The following VWF variants were observed in gnomAD, a reference collection of about 807,000 sequenced individuals.
VWF encodes the protein von Willebrand factor.
VWF carries 176 observed loss-of-function variants against 308.6 expected under a neutral mutation model. The observed-to-expected ratio is 0.57, with a 90% CI of 0.50 to 0.65. The LOEUF (loss-of-function observed/expected upper bound fraction) is 0.65. Ranked by LOEUF, VWF falls within the 30% of genes least tolerant of loss-of-function variation. The pLI is 0.00. For synonymous variants in VWF, 1,385 were observed against 1,443.4 expected (o/e 0.96, Z 0.92); for missense variants, 3,146 against 3,648.2 (o/e 0.86, Z 3.55).
intron 5 of VWF, among the ~76,000 whole-genome samples, chr12:6,109,886 A>G (rs1404802226): frequency 6.6e-6 from 1 of 152,156 alleles, no homozygotes; most frequent in African/African-American, 2.4e-5. Context: ...TCCTGACCTC[A>G]TGATCCGCCT....
intron 47 of VWF, among the ~76,000 whole-genome samples, chr12:5,964,194 G>A (rs1943354560): frequency 2.3e-5 from 3 of 132,104 alleles, no homozygotes; most frequent in South Asian, 2.4e-4. Context: ...TCCAGCCTGG[G>A]CGACAGAGAG....
In VWF at chr12:5,976,262, T is replaced by C; in HGVS notation, c.7288-2A>G. 3 of 1,614,066 alleles carry C rather than the reference T, an allele frequency of 1.9e-6. No individual in the cohort carries two copies. Among genetic ancestry groups the C allele is most frequent in the Non-Finnish European group, 2.5e-6 (3 of 1,180,026 alleles). On this transcript the variant is annotated splice_acceptor_variant, in intron 42 of 51. Transcript: ENST00000261405. LOFTEE classifies it high-confidence loss of function. ...GATGGTGCTTCGGTGGACACACACCTGTAGACATAAGTTTTCGTGAGTGAA... is the reference window on the plus strand; with the variant it reads ...GATGGTGCTTCGGTGGACACACACCCGTAGACATAAGTTTTCGTGAGTGAA...
intron 44 of VWF, 81 bp from the exon 45 acceptor site, chr12:5,969,472 G>A: frequency 1.3e-6 from 2 of 1,561,534 alleles, no homozygotes; most frequent in East Asian, 2.2e-5. Flanking sequence ...TCTTCTCTCA[G>A]GAAGGTGGTT....
chr12:6,072,330 C>A lies in VWF; in HGVS notation c.1109+1G>T. 6.2e-7 allele frequency: 1 copy of A among 1,613,624 alleles called. No individual in the cohort carries two copies. Among genetic ancestry groups the A allele is most frequent in the Non-Finnish European group, 8.5e-7 (1 of 1,179,660 alleles). Reference sequence around the variant, plus strand: ...AGAGCACGCTGCGCAGCCCCCATTACCAGGTGTTGCAGTCTCGAGAGAGGG... The same window carrying A: ...AGAGCACGCTGCGCAGCCCCCATTAACAGGTGTTGCAGTCTCGAGAGAGGG... On this transcript the variant is annotated splice_donor_variant, in intron 9 of 51. Coordinates refer to ENST00000261405, the MANE Select transcript of VWF (RefSeq NM_000552.5). LOFTEE classifies it high-confidence loss of function.
At position 6,075,983 on chromosome 12, in the gene VWF, G is replaced by A. The variant is rs1396050683; in HGVS notation, c.658-432C>T. 6.6e-6 allele frequency among the ~76,000 whole-genome samples: 1 copy of A among 152,208 alleles called. No individual in the cohort carries two copies. The highest frequency in any genetic ancestry group is 2.4e-5 in the African/African-American group (1 of 41,448). ...CTTGATCTTCTTCACTATGAATGAG[G>A]GGGATGGGACAAGGGGCTTTATAGA... is the stretch of plus-strand genomic sequence containing the variant. On this transcript the variant is annotated intron_variant, in intron 6 of 51. Transcript: ENST00000261405. The surrounding 1 kb of genome is among the most constrained non-coding windows in gnomAD (Gnocchi z 4.7).
chr12:6,011,168 G>T (rs921931371), intron 34 of VWF, among the ~76,000 whole-genome samples: 3 of 152,184 alleles, frequency 2.0e-5, no homozygotes, highest in African/African-American at 7.2e-5. Flanking sequence ...GTGTACATGA[G>T]ATGGACTTTA....
chr12:6,019,094 T>C lies in VWF; in HGVS notation c.4324A>G (p.Ser1442Gly), dbSNP rs1944098027. Residue 1442 changes from serine (S) to glycine (G), a missense_variant, in exon 28 of 52, where the codon AGT becomes GGT. Ser to Gly is a moderately conservative substitution (Grantham distance 56, BLOSUM62 0). Transcript: ENST00000261405. The surrounding 1 kb of genome is among the most constrained non-coding windows in gnomAD (Gnocchi z 5.8). ...CTTTGCTGCTCCAGCTCATCCACAC[T>C]GCTCAGCACGAAGGCCTTGTTCTCA... ...APENKAFVLS[S>G]VDELEQQRDE... 4 of 1,613,828 alleles carry C rather than the reference T, an allele frequency of 2.5e-6. No homozygotes were observed. Among genetic ancestry groups the C allele is most frequent in the Non-Finnish European group, 2.5e-6 (3 of 1,179,824 alleles).
chr12:6,045,158 C>T (rs1008659438), intron 17 of VWF, among the ~76,000 whole-genome samples: 4 of 152,222 alleles, frequency 2.6e-5, no homozygotes, highest in Admixed American at 2.0e-4. Context: ...TATCCTACTT[C>T]GTGGCAATTA....
At chr12:6,087,631 C>G (rs1200651920) in intron 6 of VWF, among the ~76,000 whole-genome samples, 2 of 151,684 alleles carry the variant, frequency 1.3e-5, no homozygotes, top group Admixed American at 1.3e-4. Context: ...TCCCAAAGTG[C>G]CGGGATTACA....
chr12:5,989,304 T>G (rs1392465746), intron 38 of VWF, among the ~76,000 whole-genome samples: 7 of 152,234 alleles, frequency 4.6e-5, no homozygotes, highest in Non-Finnish European at 5.9e-5. Flanking sequence ...CTACAATAGT[T>G]TTATACCCTA....
At chr12:5,953,966 T>G (rs1412470485) in intron 47 of VWF, 2 of 246,848 alleles carry the variant, frequency 8.1e-6, no homozygotes, top group African/African-American at 4.5e-5. Flanking sequence ...TTCCCTATTT[T>G]GGTAAGTGGC....
chr12:6,004,717 T>TATATAG (rs1943908261), intron 34 of VWF, among the ~76,000 whole-genome samples: 1 of 149,212 alleles, frequency 6.7e-6, no homozygotes, highest in Non-Finnish European at 1.5e-5. Context: ...ATATATAGGT[T>TATATAG]ATATATAGAT....
intron 20 of VWF, among the ~76,000 whole-genome samples, chr12:6,032,731 C>T (rs932626808): frequency 1.3e-5 from 2 of 152,122 alleles, no homozygotes; most frequent in African/African-American, 4.8e-5. Context: ...CTGACACACA[C>T]ACCCACACAC....
chr12:6,097,819 AC>A (rs1481185517), intron 5 of VWF, among the ~76,000 whole-genome samples: 1 of 152,242 alleles, frequency 6.6e-6, no homozygotes, highest in Non-Finnish European at 1.5e-5. Flanking sequence ...AGACATTGTG[AC>A]AGGTACTCTC....
At chr12:6,112,893 C>T (rs1407573726) in intron 3 of VWF, among the ~76,000 whole-genome samples, 1 of 151,934 alleles carries the variant, frequency 6.6e-6, no homozygotes, top group Non-Finnish European at 1.5e-5. Context: ...AGCATGCACC[C>T]TGGAACACAC....
intron 19 of VWF, among the ~76,000 whole-genome samples, chr12:6,035,214 T>G (rs149497024): frequency 1.5e-3 from 222 of 152,226 alleles, no homozygotes; most frequent in Middle Eastern, 0.01. Flanking sequence ...GACACACTGA[T>G]GTTGAAAGCC....
In VWF at chr12:6,071,361, C is replaced by T. The variant is rs1403497623; in HGVS notation, c.1110-18G>A. ...GGCAAATGCTGTTGGAGGGAAAAAG[C>T]ACAGGTCATTGGTGGTTCTGCAAAC... is the stretch of plus-strand genomic sequence containing the variant. On this transcript the variant is annotated intron_variant, in intron 9 of 51. Coordinates refer to ENST00000261405, the MANE Select transcript of VWF (RefSeq NM_000552.5). The T allele has an allele frequency of 1.2e-6, 2 of 1,614,070 alleles. No homozygotes were observed. Among genetic ancestry groups the T allele is most frequent in the Non-Finnish European group, 1.7e-6 (2 of 1,180,002 alleles).
intron 5 of VWF, among the ~76,000 whole-genome samples, chr12:6,107,912 C>T (rs1037800042): frequency 6.6e-6 from 1 of 152,054 alleles, no homozygotes; most frequent in Non-Finnish European, 1.5e-5. Flanking sequence ...CCCACTTCGG[C>T]CTCCCAAAGT....
chr12:6,056,064 T>C (rs1404479658), intron 15 of VWF, among the ~76,000 whole-genome samples: 1 of 151,052 alleles, frequency 6.6e-6, no homozygotes, highest in Non-Finnish European at 1.5e-5. Context: ...GAAAGCAGCT[T>C]TTTAAAACCC....
Sources: gnomAD v4.1 joint callset for allele counts (sites outside exome capture counted in the v4.1 genomes callset) on GRCh38, gnomAD v4.1.1 for gene constraint, Gnocchi (gnomAD v3.1) non-coding constraint, MANE v1.5 for transcripts, NCBI Gene and HGNC (gene_info 2026-07-23, HGNC 2026-07-21) for gene names.